The following SNAPC3 variants were observed in gnomAD, a reference collection of about 807,000 sequenced individuals.
The protein encoded by SNAPC3 is small nuclear RNA activating complex polypeptide 3.
A neutral mutation model predicts 47.7 loss-of-function variants in SNAPC3; 56 were observed. That is an observed-to-expected ratio of 1.18 (90% CI 0.95 to 1.47). SNAPC3 has a LOEUF of 1.47. Ranked by LOEUF, SNAPC3 falls within the 40% of genes most tolerant of loss-of-function variation. The probability of loss-of-function intolerance (pLI) is 0.00; values close to 1 mark genes in which losing one functional copy is unlikely to be tolerated. For missense variants in SNAPC3, 665 were observed against 511.3 expected, an observed-to-expected ratio of 1.30 and a Z score of -2.90; for synonymous variants, 235 against 189.9, an observed-to-expected ratio of 1.24 and a Z score of -1.95.
At position 15,447,327 on chromosome 9, in the gene SNAPC3, C is replaced by T. The variant is rs187067506; in HGVS notation, c.732+83C>T. ...TACTCTAGCTGGTTCATAAATGTCC[C>T]AGTAAATCCTTTTCTTCTCCTGCGG... On this transcript the variant is annotated intron_variant, in intron 5 of 8. Coordinates refer to ENST00000380821, the MANE Select transcript of SNAPC3 (RefSeq NM_001039697.2). 49 of 1,239,368 alleles carry T rather than the reference C, an allele frequency of 4.0e-5. No individual in the cohort carries two copies. In the East Asian group the frequency reaches 1.0e-3, roughly 26 times the overall value. 76.8% of individuals were successfully genotyped at this position (1,239,368 alleles called of 1,614,324 possible).
intron 5 of SNAPC3, among the ~76,000 whole-genome samples, chr9:15,448,284 A>T (rs2034100253): frequency 6.6e-6 from 1 of 151,844 alleles, no homozygotes; most frequent in African/African-American, 2.4e-5. Context: ...TTTTATAATG[A>T]TGCTTCCCAA....
In SNAPC3 at chr9:15,459,737, C is replaced by CG; in HGVS notation, c.1107_1108insG (p.Ser370GlufsTer12). 1 of 1,612,796 alleles carries CG rather than the reference C, an allele frequency of 6.2e-7. No homozygotes were observed. Among genetic ancestry groups the CG allele is most frequent in the Non-Finnish European group, 8.5e-7 (1 of 1,179,456 alleles). ...ACTACAGATGGGTGACGAACAATGA[C>CG]AGTTTTGCACCAGAGGACCCATGCT... On this transcript the variant is annotated frameshift_variant, in exon 9 of 9. Coordinates refer to ENST00000380821, the MANE Select transcript of SNAPC3 (RefSeq NM_001039697.2). LOFTEE classifies it high-confidence loss of function.
At chr9:15,426,961 ATC>A (rs1262398288) in intron 2 of SNAPC3, among the ~76,000 whole-genome samples, 2 of 152,202 alleles carry the variant, frequency 1.3e-5, no homozygotes, top group African/African-American at 4.8e-5. Context: ...CTAAATTTGT[ATC>A]TCTATGCTTT....
At chr9:15,438,437 T>C (rs2033023447) in intron 3 of SNAPC3, among the ~76,000 whole-genome samples, 1 of 152,096 alleles carries the variant, frequency 6.6e-6, no homozygotes, top group South Asian at 2.1e-4. Flanking sequence ...TTTTTATTGA[T>C]TTTTCTGTAT....
At chr9:15,442,387 G>A (rs1197652503) in intron 3 of SNAPC3, among the ~76,000 whole-genome samples, 52 of 150,792 alleles carry the variant, frequency 3.4e-4, no homozygotes, top group African/African-American at 1.2e-3. Flanking sequence ...GGCAGCTGCT[G>A]GGCGGAGGGG....
At chr9:15,444,493 GTC>G in intron 3 of SNAPC3, 107 bp from the exon 4 acceptor site, 1 of 656,754 alleles carries the variant, frequency 1.5e-6, no homozygotes, top group Middle Eastern at 2.6e-4. Context: ...ATAATTAGGT[GTC>G]AAACCCAAGG....
downstream of SNAPC3, chr9:15,462,924 A>T (rs370401614): frequency 6.6e-6 from 1 of 152,190 alleles, no homozygotes; most frequent in Non-Finnish European, 1.5e-5. Context: ...ACAGCACCCT[A>T]TGAAAAATCT....
chr9:15,440,385 C>T (rs2033216457), intron 3 of SNAPC3, among the ~76,000 whole-genome samples: 1 of 152,142 alleles, frequency 6.6e-6, no homozygotes, highest in African/African-American at 2.4e-5. Flanking sequence ...AATTAATTCC[C>T]CTAGCTTTTG....
intron 2 of SNAPC3, among the ~76,000 whole-genome samples, chr9:15,431,644 GAAC>G: frequency 2.6e-5 from 4 of 152,096 alleles, no homozygotes; most frequent in Non-Finnish European, 5.9e-5. Context: ...GAGGGAATGG[GAAC>G]AGGTTAGTAG....
chr9:15,440,598 G>C (rs1178273788), intron 3 of SNAPC3, among the ~76,000 whole-genome samples: 1 of 152,214 alleles, frequency 6.6e-6, no homozygotes, highest in Non-Finnish European at 1.5e-5. Context: ...GGTTGAGGCA[G>C]AAGGAGCACT....
chr9:15,430,829 G>C lies in SNAPC3; in HGVS notation c.393-2723G>C, dbSNP rs1249798245. On this transcript the variant is annotated intron_variant, in intron 2 of 8. Coordinates refer to ENST00000380821, the MANE Select transcript of SNAPC3 (RefSeq NM_001039697.2). The stretch of plus-strand genomic sequence containing the variant: ...AAGGATTAATTCAGAGTAATTTCCA[G>C]TACATTCTATTAAGTGAAAAAAGCA... Among the ~76,000 whole-genome samples the C allele has an allele frequency of 2.6e-5, 4 of 152,134 alleles. No individual in the cohort carries two copies. The East Asian group carries it at 5.8e-4, about 22-fold the overall frequency.
chr9:15,442,789 A>G (rs573604435), intron 3 of SNAPC3, among the ~76,000 whole-genome samples: 1 of 152,298 alleles, frequency 6.6e-6, no homozygotes, highest in South Asian at 2.1e-4. Context: ...TACAGGCTGC[A>G]ATCTCGGCAC....
At chr9:15,431,799 T>C (rs995135120) in intron 2 of SNAPC3, 12 of 149,238 alleles carry the variant, frequency 8.0e-5, no homozygotes, top group African/African-American at 3.0e-4. Context: ...AACTAAAAAA[T>C]AAGGCTAGTT....
chr9:15,431,193 C>CA, intron 2 of SNAPC3, among the ~76,000 whole-genome samples: 1 of 152,284 alleles, frequency 6.6e-6, no homozygotes, highest in South Asian at 2.1e-4. Context: ...CATTTCCCTC[C>CA]ACAGCTCCCC....
At chr9:15,434,665 C>T (rs1180281714) in intron 3 of SNAPC3, among the ~76,000 whole-genome samples, 1 of 152,136 alleles carries the variant, frequency 6.6e-6, no homozygotes, top group Non-Finnish European at 1.5e-5. Flanking sequence ...TTCGGCCTCC[C>T]AAAGTGCTGG....
intron 2 of SNAPC3, among the ~76,000 whole-genome samples, chr9:15,428,980 CTA>C (rs2031803983): frequency 6.6e-6 from 1 of 151,604 alleles, no homozygotes; most frequent in South Asian, 2.1e-4. Context: ...GAAAAAAAAA[CTA>C]AATCTAGAAA....
Position 15,423,111 on chromosome 9 carries a change from G to A in SNAPC3, c.232G>A (p.Asp78Asn). 1.9e-6 allele frequency: 3 copies of A among 1,552,148 alleles called. No individual in the cohort carries two copies. The highest frequency in any genetic ancestry group is 1.2e-5 in the South Asian group (1 of 83,384). Residue 78 changes from aspartate to asparagine, a missense_variant, in exon 1 of 9, where the codon GAC (aspartate) becomes AAC (asparagine). Transcript: ENST00000380821. The part of the protein sequence containing the change: ...ASALPGSQAA[D>N]SDREDAAVAR... ...CGCTCTGCCTGGGAGCCAGGCAGCT[G>A]ACTCCGACCGGGAGGATGCCGCGGT...
chr9:15,451,146 C>T (rs752401375), intron 5 of SNAPC3, among the ~76,000 whole-genome samples, 174 bp from the exon 6 acceptor site: 84 of 152,068 alleles, frequency 5.5e-4, no homozygotes, highest in Non-Finnish European at 9.4e-4. Context: ...AGAATATACA[C>T]ATTTAGATCA....
At chr9:15,440,283 T>C (rs1283309068) in intron 3 of SNAPC3, among the ~76,000 whole-genome samples, 3 of 152,230 alleles carry the variant, frequency 2.0e-5, no homozygotes, top group African/African-American at 7.2e-5. Flanking sequence ...TCTTTATTTC[T>C]TCTTATGGCT....
Sources: gnomAD v4.1 joint callset for allele counts (sites outside exome capture counted in the v4.1 genomes callset) on GRCh38, gnomAD v4.1.1 for gene constraint, MANE v1.5 for transcripts, NCBI Gene and HGNC (gene_info 2026-07-23, HGNC 2026-07-21) for gene names.